SGCZ: variants seen among roughly 807,000 people sequenced by gnomAD.
SGCZ encodes the protein zeta-sarcoglycan.
SGCZ carries 40 observed loss-of-function variants against 41.3 expected under a neutral mutation model. The ratio of observed to expected loss-of-function variants is 0.97; its 90% CI spans 0.75 to 1.26. The LOEUF is 1.26. SGCZ is among the 50% of genes most tolerant of loss of function. The probability of loss-of-function intolerance (pLI) is 0.00; values close to 1 mark genes in which losing one functional copy is unlikely to be tolerated. For synonymous variants in SGCZ, 206 were observed against 137.5 expected, an observed-to-expected ratio of 1.50 and a Z score of -3.49; for missense variants, 552 against 369.8, an observed-to-expected ratio of 1.49 and a Z score of -4.04.
At chr8:14,769,762 T>C (rs563705934) in intron 1 of SGCZ, among the ~76,000 whole-genome samples, 2 of 121,104 alleles carry the variant, frequency 1.7e-5, no homozygotes, top group South Asian at 5.2e-4. Flanking sequence ...GCCATTGCAC[T>C]CCATCCTGGG....
At chr8:14,997,208 T>A (rs1191845213) in intron 1 of SGCZ, among the ~76,000 whole-genome samples, 1 of 152,226 alleles carries the variant, frequency 6.6e-6, no homozygotes, top group Non-Finnish European at 1.5e-5. Context: ...TTTACATAAT[T>A]AATAGGTTAA....
chr8:14,339,489 T>C (rs1022700336), intron 2 of SGCZ, among the ~76,000 whole-genome samples: 9 of 152,206 alleles, frequency 5.9e-5, no homozygotes, highest in African/African-American at 2.2e-4. Flanking sequence ...CTTCCAAGCT[T>C]TCAGTACAAA....
chr8:14,282,847 C>CT lies in SGCZ; in HGVS notation c.336+41255dup, dbSNP rs1168778028. On this transcript the variant is annotated intron_variant, in intron 3 of 7. Coordinates refer to ENST00000382080, the MANE Select transcript of SGCZ (RefSeq NM_139167.4). ...CATTATAATCATTCTCTTTCAAATA[C>CT]TTTTTTTTTTTTTTTTTTTTGAGAC... 2.9e-3 allele frequency among the ~76,000 whole-genome samples: 261 copies of CT among 89,892 alleles called. 11 individuals are homozygous for CT. The highest frequency in any genetic ancestry group is 0.015 in the East Asian group (42 of 2,888). The allele number at this position is 89,892 out of a possible 152,430, so 59.0% of individuals were successfully genotyped here.
chr8:14,232,748 A>G (rs1806617258), intron 4 of SGCZ, among the ~76,000 whole-genome samples: 1 of 152,100 alleles, frequency 6.6e-6, no homozygotes, highest in Non-Finnish European at 1.5e-5. Context: ...AATGATTCTG[A>G]CAATAACAGC....
At chr8:14,145,876 G>C (rs1461626951) in intron 5 of SGCZ, among the ~76,000 whole-genome samples, 1 of 152,010 alleles carries the variant, frequency 6.6e-6, no homozygotes, top group Non-Finnish European at 1.5e-5. Flanking sequence ...CTCTAAGACA[G>C]GCTATTTGAA....
At chr8:15,147,885 A>C (rs185192991) in intron 1 of SGCZ, among the ~76,000 whole-genome samples, 2 of 152,354 alleles carry the variant, frequency 1.3e-5, no homozygotes, top group East Asian at 3.9e-4. Flanking sequence ...TCCTCTGGAC[A>C]AACCATATAA....
chr8:14,701,845 C>G (rs931081848), intron 1 of SGCZ, among the ~76,000 whole-genome samples: 1 of 151,906 alleles, frequency 6.6e-6, no homozygotes, highest in Non-Finnish European at 1.5e-5. Flanking sequence ...TCATTTTCAG[C>G]CTTTTTTCTC....
intron 1 of SGCZ, among the ~76,000 whole-genome samples, chr8:14,619,919 C>A (rs1034149703): frequency 5.9e-5 from 9 of 152,100 alleles, no homozygotes; most frequent in Non-Finnish European, 1.0e-4. Context: ...TGCCTTTCTT[C>A]ACAGAATTGG....
At chr8:14,128,070 T>C (rs893787251) in intron 5 of SGCZ, among the ~76,000 whole-genome samples, 3 of 152,168 alleles carry the variant, frequency 2.0e-5, no homozygotes, top group South Asian at 2.1e-4. Flanking sequence ...ATAGCTATCA[T>C]TAAACAGTCA....
intron 3 of SGCZ, among the ~76,000 whole-genome samples, chr8:14,288,765 A>T (rs1408062048): frequency 6.6e-6 from 1 of 152,130 alleles, no homozygotes; most frequent in East Asian, 1.9e-4. Flanking sequence ...TTTTTGTTTG[A>T]CCACTTGTTA....
At chr8:15,063,114 C>G (rs921012090) in intron 1 of SGCZ, among the ~76,000 whole-genome samples, 2 of 151,718 alleles carry the variant, frequency 1.3e-5, no homozygotes. Context: ...AAACTTTTTT[C>G]TGGCTCAGCA....
At chr8:14,466,961 T>G (rs558818871) in intron 2 of SGCZ, among the ~76,000 whole-genome samples, 10 of 151,710 alleles carry the variant, frequency 6.6e-5, no homozygotes, top group African/African-American at 2.4e-4. Context: ...TCAAGAACAG[T>G]TTTTTTTATT....
At chr8:14,215,737 A>G (rs1210555061) in intron 4 of SGCZ, among the ~76,000 whole-genome samples, 1 of 152,208 alleles carries the variant, frequency 6.6e-6, no homozygotes, top group Non-Finnish European at 1.5e-5. Context: ...GTACATATAA[A>G]AATAAAACAA....
At chr8:15,010,701 G>C (rs558441202) in intron 1 of SGCZ, among the ~76,000 whole-genome samples, 1 of 152,176 alleles carries the variant, frequency 6.6e-6, no homozygotes, top group Non-Finnish European at 1.5e-5. Context: ...GAACTAATGT[G>C]ATATAGAGGC....
intron 1 of SGCZ, among the ~76,000 whole-genome samples, chr8:15,148,054 C>T (rs1429680329): frequency 7.2e-6 from 1 of 139,304 alleles, no homozygotes; most frequent in Admixed American, 6.8e-5. Context: ...CAGAAGGGCT[C>T]TCAAGGACCA....
intron 1 of SGCZ, among the ~76,000 whole-genome samples, chr8:14,603,538 T>C (rs865885273): frequency 1.3e-5 from 2 of 152,206 alleles, no homozygotes; most frequent in South Asian, 2.1e-4. Context: ...ACTAACAGCA[T>C]TTTATAAATA....
chr8:14,828,191 G>T (rs78894199), intron 1 of SGCZ, among the ~76,000 whole-genome samples: 4,399 of 152,210 alleles, frequency 0.029, 80 homozygotes, highest in Non-Finnish European at 0.041. Flanking sequence ...GTTTATGGGA[G>T]CAATGCCCCA....
chr8:14,538,462 CTT>C (rs1478575166), intron 2 of SGCZ, among the ~76,000 whole-genome samples: 1 of 151,906 alleles, frequency 6.6e-6, no homozygotes, highest in Non-Finnish European at 1.5e-5. Context: ...CCAAGAGAAA[CTT>C]AACCCAACCT....
chr8:14,118,872 G>T (rs1174546135), intron 5 of SGCZ, among the ~76,000 whole-genome samples: 1 of 152,040 alleles, frequency 6.6e-6, no homozygotes, highest in African/African-American at 2.4e-5. Flanking sequence ...AGATGGTTGT[G>T]GATGTGTGGT....
Sources: gnomAD v4.1 joint callset for allele counts (sites outside exome capture counted in the v4.1 genomes callset) on GRCh38, gnomAD v4.1.1 for gene constraint, MANE v1.5 for transcripts, NCBI Gene and HGNC (gene_info 2026-07-23, HGNC 2026-07-21) for gene names.